Variants in MYH3 observed in about 807,000 individuals in gnomAD.
The protein encoded by MYH3 is myosin-3.
A neutral mutation model predicts 238.0 loss-of-function variants in MYH3; 130 were observed. The observed-to-expected ratio is 0.55, with a 90% CI of 0.47 to 0.63. MYH3 has a LOEUF of 0.63. MYH3 is among the 30% of genes least tolerant of loss of function. The pLI, the probability that MYH3 is intolerant of heterozygous loss-of-function variation, is 0.00. For missense variants in MYH3, 1,853 were observed against 2,374.9 expected, an observed-to-expected ratio of 0.78 and a Z score of 4.57; for synonymous variants, 880 against 924.1, an observed-to-expected ratio of 0.95 and a Z score of 0.86.
At chr17:10,676,372 T>C in the MYH3 span, 8 of 152,360 alleles carry the variant, frequency 5.3e-5, no homozygotes, top group East Asian at 1.9e-4. Flanking sequence ...ATTACAGGCA[T>C]GAGCCACCGT....
Position 10,644,656 on chromosome 17 carries a change from G to A in MYH3, c.1188C>T (p.Leu396=), listed in dbSNP as rs1374042553. The change falls in exon 13 of 41, where the codon CTC becomes CTT. Residue 396 remains leucine (L), a synonymous_variant. Coordinates refer to ENST00000583535, the MANE Select transcript of MYH3 (RefSeq NM_002470.4). ...AYLMGLNSSD[L]LKALCFPRVK... is the part of the protein sequence containing the mutation. ...CTCTAGGAAAGCACAAAGCTTTTAG[G>A]AGGTCCGAAGAGTTCAGGCCCATCA... 1.2e-6 allele frequency: 2 copies of A among 1,613,940 alleles called. No individual in the cohort carries two copies. Among genetic ancestry groups the A allele is most frequent in the Admixed American group, 1.7e-5 (1 of 59,994 alleles).
At chr17:10,658,355 G>A (rs536190970), upstream of MYH3, among the ~76,000 whole-genome samples, 12 of 152,188 alleles carry the variant, frequency 7.9e-5, no homozygotes, top group East Asian at 3.9e-4. Context: ...CATAGAAACC[G>A]CCCCTTCCGT....
At position 10,638,246 on chromosome 17, in the gene MYH3, G is replaced by A. The variant is rs1422222290; in HGVS notation, c.3526C>T (p.Arg1176Cys). Residue 1176 changes from arginine (R) to cysteine (C), a missense_variant, in exon 27 of 41, where the codon CGC becomes TGC. By Grantham distance (180) the Arg-to-Cys change is radical (BLOSUM62 -3). Coordinates refer to ENST00000583535, the MANE Select transcript of MYH3 (RefSeq NM_002470.4). The part of the protein sequence containing the change: ...KKREAEFLKL[R>C]RDLEEATLQH... ...AGTGTGGCCTCCTCCAGGTCCCTGCGCAGCTTCAGGAACTCCGCCTCCCGC... is the reference window on the plus strand; with the variant it reads ...AGTGTGGCCTCCTCCAGGTCCCTGCACAGCTTCAGGAACTCCGCCTCCCGC... 10 of 1,613,722 alleles carry A rather than the reference G, an allele frequency of 6.2e-6. No individual in the cohort carries two copies. The East Asian group carries it at 8.9e-5, about 14-fold the overall frequency.
chr17:10,671,967 CTTTG>C, the MYH3 span, among the ~76,000 whole-genome samples: 1 of 152,082 alleles, frequency 6.6e-6, no homozygotes, highest in Non-Finnish European at 1.5e-5. Context: ...GATAGTAACT[CTTTG>C]TTATATATTT....
chr17:10,629,569 G>T, intron 40 of MYH3, 28 bp downstream of exon 40: 1 of 1,612,278 alleles, frequency 6.2e-7, no homozygotes, highest in Non-Finnish European at 8.5e-7. Flanking sequence ...GTCCCTGGGG[G>T]GGGGCTCCTC....
chr17:10,637,897 C>T lies in MYH3; in HGVS notation c.3768G>A (p.Gln1256=). 4 of 1,614,156 alleles carry T rather than the reference C, an allele frequency of 2.5e-6. 1 individual carries two copies. The South Asian group carries it at 4.4e-5, about 18-fold the overall frequency. ...CATTCTTGCCCCTGGCCTCACTTAA[C>T]TGATCCTCCAGGGTTCGGCAGATTT... is the stretch of plus-strand genomic sequence containing the variant. ...LEKICRTLED[Q]LSEARGKNEE... The change falls in exon 28 of 41, where the codon CAG becomes CAA. Residue 1256 remains glutamine (Q), a synonymous_variant. Coordinates refer to ENST00000583535, the MANE Select transcript of MYH3 (RefSeq NM_002470.4).
At chr17:10,664,619 CACGGGGAA>C in the MYH3 span, among the ~76,000 whole-genome samples, 5 of 152,012 alleles carry the variant, frequency 3.3e-5, no homozygotes, top group Admixed American at 6.6e-5. Context: ...AAACCTAAGC[CACGGGGAA>C]ACCTAAGGAG....
chr17:10,643,146 A>G (rs972838887), intron 14 of MYH3, 150 bp from the exon 15 acceptor site: 2 of 1,439,384 alleles, frequency 1.4e-6, no homozygotes, highest in African/African-American at 1.4e-5. Context: ...CTCAGACCGC[A>G]TCTCCTCCTT....
intron 10 of MYH3, among the ~76,000 whole-genome samples, chr17:10,646,758 CT>C (rs144624743): frequency 0.058 from 8,792 of 152,208 alleles, 386 homozygotes; most frequent in African/African-American, 0.12. Flanking sequence ...CTAAAATAAG[CT>C]TTTCCTGGCA....
chr17:10,640,824 G>C lies in MYH3; in HGVS notation c.2166-138C>G, dbSNP rs1019751748. 2.7e-6 allele frequency: 3 copies of C among 1,116,014 alleles called. No homozygotes were observed. In the African/African-American group the frequency reaches 4.6e-5, roughly 17 times the overall value. 69.1% of individuals were successfully genotyped at this position (1,116,014 alleles called of 1,614,324 possible). On this transcript the variant is annotated intron_variant, in intron 19 of 40. Coordinates refer to ENST00000583535, the MANE Select transcript of MYH3 (RefSeq NM_002470.4). ...GAGGGAACTAGCTCGGAGTCACATT[G>C]CTAGAGAGCAGTCTAGAATCTAGAT...
At chr17:10,665,290 C>T in the MYH3 span, among the ~76,000 whole-genome samples, 3 of 151,954 alleles carry the variant, frequency 2.0e-5, no homozygotes, top group Non-Finnish European at 4.4e-5. Context: ...TTACAGGCAC[C>T]CACCACCATG....
At chr17:10,653,108 G>C (rs2074394480) in intron 3 of MYH3, among the ~76,000 whole-genome samples, 1 of 152,062 alleles carries the variant, frequency 6.6e-6, no homozygotes, top group Non-Finnish European at 1.5e-5. Context: ...CTCCCCATTG[G>C]GCCTGAGGTG....
At position 10,639,670 on chromosome 17, in the gene MYH3, C is replaced by A. The variant is rs1235887274; in HGVS notation, c.2815G>T (p.Ala939Ser). The A allele has an allele frequency of 1.9e-6, 3 of 1,613,936 alleles. No homozygotes were observed. The African/African-American group carries it at 4.0e-5, about 22-fold the overall frequency. ...DEEEINAELT[A>S]KKRKLEDECS... Reference sequence around the variant, plus strand: ...TCATCCTCCAGTTTCCTCTTCTTGGCCGTCAGCTCAGCATTGATCTCCTCC... The same window carrying A: ...TCATCCTCCAGTTTCCTCTTCTTGGACGTCAGCTCAGCATTGATCTCCTCC... The change falls in exon 23 of 41, where the codon GCC becomes TCC. Residue 939 changes from alanine to serine, a missense_variant. This residue lies in a region of MYH3 where 678 missense variants were observed against 1,058.9 expected (regional missense o/e 0.64). Coordinates refer to ENST00000583535, the MANE Select transcript of MYH3 (RefSeq NM_002470.4).
At chr17:10,676,903 T>A in the MYH3 span, 2 of 152,150 alleles carry the variant, frequency 1.3e-5, no homozygotes, top group Admixed American at 6.5e-5. Flanking sequence ...GGTCTAAAGG[T>A]GTTATTAAGG....
intron 38 of MYH3, 54 bp downstream of exon 38, chr17:10,630,038 T>C (rs1291288655): frequency 3.1e-6 from 5 of 1,606,632 alleles, no homozygotes; most frequent in South Asian, 1.1e-5. Context: ...TGTGGTTTGA[T>C]GGAGAATCTG....
intron 36 of MYH3, 147 bp downstream of exon 36, chr17:10,631,463 CA>C (rs1307669028): frequency 9.0e-7 from 1 of 1,108,402 alleles, no homozygotes; most frequent in Non-Finnish European, 1.3e-6. Flanking sequence ...CAGGAGGGAA[CA>C]GGGGAGTTTG....
intron 3 of MYH3, 46 bp from the exon 4 acceptor site, chr17:10,652,609 CTTTTTTTTTTTTTTTTTTTT>C (rs149916956): frequency 6.8e-5 from 29 of 427,918 alleles, no homozygotes; most frequent in Non-Finnish European, 1.0e-4. Context: ...GTCTGCACGT[CTTTTTTTTTTTTTTTTTTTT>C]TTTTTTTTTT....
Position 10,639,964 on chromosome 17 carries a change from TA to T in MYH3, c.2682+31del, listed in dbSNP as rs34274020. 44,272 of 1,372,088 alleles carry T rather than the reference TA, an allele frequency of 0.032. 18 individuals carry two copies. Among genetic ancestry groups the T allele is most frequent in the East Asian group, 0.1 (3,794 of 36,934 alleles). 85.0% of individuals were successfully genotyped at this position (1,372,088 alleles called of 1,614,324 possible). A position where few individuals can be genotyped will look rare whatever the true frequency, so the allele number is the denominator to read the frequency against. ...AATAAATAATCAAATCTAGAAGAGT[TA>T]AAAAAAAAAAAAAGATTGCTAAACA... On this transcript the variant is annotated intron_variant, in intron 22 of 40. Transcript: ENST00000583535.
intron 32 of MYH3, 137 bp from the exon 33 acceptor site, chr17:10,633,852 C>G (rs781315837): frequency 1.9e-4 from 284 of 1,481,132 alleles, no homozygotes; most frequent in Non-Finnish European, 2.5e-4. Flanking sequence ...AGATATTGTA[C>G]AGAGAGAGGC....
Sources: allele counts gnomAD v4.1 joint callset (sites outside exome capture counted in the v4.1 genomes callset), GRCh38; gene constraint gnomAD v4.1.1; regional missense constraint gnomAD v4.1.1; transcripts MANE v1.5; gene names NCBI Gene and HGNC (gene_info 2026-07-23, HGNC 2026-07-21).